The following LRRC75A variants were observed in gnomAD, a reference collection of about 807,000 sequenced individuals.
LRRC75A encodes leucine rich repeat containing 75A.
Under a neutral mutation model 26.0 loss-of-function variants are expected in LRRC75A, and 12 were observed. That is an observed-to-expected ratio of 0.46 (90% CI 0.30 to 0.75). The LOEUF (loss-of-function observed/expected upper bound fraction) is 0.75. Ranked by LOEUF, LRRC75A falls within the 30% of genes least tolerant of loss-of-function variation. The pLI is 0.08. For synonymous variants in LRRC75A, 223 were observed against 219.3 expected (o/e 1.02, Z -0.15); for missense variants, 410 against 486.6 (o/e 0.84, Z 1.48).
intron 2 of LRRC75A, among the ~76,000 whole-genome samples, chr17:16,453,707 T>C (rs1268518593): frequency 6.6e-6 from 1 of 152,146 alleles, no homozygotes; most frequent in African/African-American, 2.4e-5. Context: ...TTCCAAAGCA[T>C]GGCGCCGGGG....
Position 16,462,412 on chromosome 17 carries a change from G to A in LRRC75A, c.247-26C>T. 6.2e-7 allele frequency: 1 copy of A among 1,613,060 alleles called. No individual in the cohort carries two copies. On this transcript the variant is annotated intron_variant, in intron 1 of 3. Transcript: ENST00000470794. This position sits in a 1 kb window ranked among gnomAD's most constrained non-coding sequence, Gnocchi z 4.6. ...CTGCAAGAGCAAAGGATGCCCAGAG[G>A]TCAGGGCTGGCTGCCCACCCAGCTC...
Position 16,443,565 on chromosome 17 carries a change from T to C in LRRC75A, c.*23A>G, listed in dbSNP as rs763260339. ...CCCATTCTACCCAACAAGGACTCCC[T>C]GGTGAGGCCCTTCACTTCCATGTCA... On this transcript the variant is annotated 3_prime_UTR_variant, in exon 4 of 4. Transcript: ENST00000470794. 1.3e-6 allele frequency: 2 copies of C among 1,489,606 alleles called. No homozygotes were observed. The highest frequency in any genetic ancestry group is 4.0e-4 in the Middle Eastern group (2 of 4,968). The allele number at this position is 1,489,606 out of a possible 1,614,324, so 92.3% of individuals were successfully genotyped here.
chr17:16,462,189 C>T lies in LRRC75A; in HGVS notation c.375+69G>A, dbSNP rs2093732555. 6.3e-7 allele frequency: 1 copy of T among 1,585,230 alleles called. No individual in the cohort carries two copies. Among genetic ancestry groups the T allele is most frequent in the Non-Finnish European group, 8.6e-7 (1 of 1,163,184 alleles). ...CTGCCAGTCCTCCTTGGGCATACAGCTGCTCTGCCCAGAAAGGCACCCACC... is the reference window on the plus strand; with the variant it reads ...CTGCCAGTCCTCCTTGGGCATACAGTTGCTCTGCCCAGAAAGGCACCCACC... On this transcript the variant is annotated intron_variant, in intron 2 of 3. Transcript: ENST00000470794. This position sits in a 1 kb window ranked among gnomAD's most constrained non-coding sequence, Gnocchi z 4.6.
At chr17:16,483,001 A>G (rs1383079344) in intron 1 of LRRC75A, among the ~76,000 whole-genome samples, 1 of 152,196 alleles carries the variant, frequency 6.6e-6, no homozygotes, top group Non-Finnish European at 1.5e-5. Flanking sequence ...GGCTCCATCC[A>G]GACGAGCATG....
chr17:16,451,891 C>T (rs2143014761), intron 2 of LRRC75A, among the ~76,000 whole-genome samples: 3 of 150,168 alleles, frequency 2.0e-5, no homozygotes, highest in Admixed American at 2.0e-4. Context: ...ACTACAGGCG[C>T]CCGCCAACAT....
At chr17:16,475,740 TA>T (rs919880356) in intron 1 of LRRC75A, among the ~76,000 whole-genome samples, 16 of 148,842 alleles carry the variant, frequency 1.1e-4, no homozygotes, top group South Asian at 8.5e-4. Flanking sequence ...ACCAGCTAAT[TA>T]AAAAAAAAAA....
intron 1 of LRRC75A, among the ~76,000 whole-genome samples, chr17:16,470,009 G>A (rs1179600555): frequency 6.6e-6 from 1 of 152,164 alleles, no homozygotes; most frequent in Non-Finnish European, 1.5e-5. Flanking sequence ...TCAGATTCCT[G>A]GGAGGAAGGC....
At chr17:16,471,917 G>A (rs1462002250) in intron 1 of LRRC75A, among the ~76,000 whole-genome samples, 2 of 152,148 alleles carry the variant, frequency 1.3e-5, no homozygotes, top group African/African-American at 4.8e-5. Flanking sequence ...GACTGGGGAA[G>A]GGGGAATTCG....
chr17:16,455,064 C>G (rs1237998093), intron 2 of LRRC75A, among the ~76,000 whole-genome samples: 1 of 151,952 alleles, frequency 6.6e-6, no homozygotes, highest in African/African-American at 2.4e-5. Flanking sequence ...TCCCGAGTAG[C>G]TGGGATTACA....
At chr17:16,458,597 C>G (rs1345871497) in intron 2 of LRRC75A, among the ~76,000 whole-genome samples, 1 of 152,038 alleles carries the variant, frequency 6.6e-6, no homozygotes, top group Non-Finnish European at 1.5e-5. Flanking sequence ...TCCCGAGTAG[C>G]TGGGATTATA....
At chr17:16,486,733 C>A (rs1382970951) in intron 1 of LRRC75A, among the ~76,000 whole-genome samples, 1 of 152,222 alleles carries the variant, frequency 6.6e-6, no homozygotes, top group African/African-American at 2.4e-5. Context: ...AAGAACACCA[C>A]CGCCTGGCAG....
intron 1 of LRRC75A, among the ~76,000 whole-genome samples, chr17:16,481,612 C>A (rs1375708500): frequency 1.3e-5 from 2 of 152,124 alleles, no homozygotes; most frequent in Admixed American, 6.5e-5. Context: ...CTGGCTACCC[C>A]CTGCCTCCCC....
chr17:16,492,111 G>T lies in LRRC75A; in HGVS notation c.-121C>A. The T allele has an allele frequency of 1.1e-6, 1 of 900,052 alleles. No individual in the cohort carries two copies. The highest frequency in any genetic ancestry group is 1.3e-6 in the Non-Finnish European group (1 of 745,446). 55.8% of individuals were successfully genotyped at this position (900,052 alleles called of 1,614,324 possible). A position where few individuals can be genotyped will look rare whatever the true frequency, so the allele number is the denominator to read the frequency against. ...GGGCTGCAACTTTGGGGGAACTGTT[G>T]CGCGCGGGCGTCGCGGGGGCGGGCG... is the stretch of plus-strand genomic sequence containing the variant. On this transcript the variant is annotated 5_prime_UTR_variant, in exon 1 of 4. Coordinates refer to ENST00000470794, the MANE Select transcript of LRRC75A (RefSeq NM_001113567.3).
intron 2 of LRRC75A, among the ~76,000 whole-genome samples, chr17:16,452,072 C>T (rs2093636600): frequency 6.6e-6 from 1 of 151,654 alleles, no homozygotes; most frequent in Admixed American, 6.6e-5. Flanking sequence ...CACTGATGGG[C>T]CAGGTGCTGT....
At chr17:16,490,692 A>G (rs1316994554) in intron 1 of LRRC75A, among the ~76,000 whole-genome samples, 2 of 152,198 alleles carry the variant, frequency 1.3e-5, no homozygotes, top group African/African-American at 4.8e-5. Context: ...AGGTGCTCCT[A>G]CAGCCTCTTT....
intron 2 of LRRC75A, among the ~76,000 whole-genome samples, chr17:16,451,622 A>C (rs2093631425): frequency 1.1e-5 from 1 of 91,654 alleles, no homozygotes; most frequent in Admixed American, 1.1e-4. Flanking sequence ...ACTCCATCTC[A>C]AAAAAAAAAA....
chr17:16,451,629 AAAAT>A (rs888423904), intron 2 of LRRC75A, among the ~76,000 whole-genome samples: 14 of 115,814 alleles, frequency 1.2e-4, no homozygotes, highest in African/African-American at 4.3e-4. Context: ...CTCAAAAAAA[AAAAT>A]AATAATAATA....
Position 16,492,100 on chromosome 17 carries a change from G to T in LRRC75A, c.-110C>A. 2.0e-6 allele frequency: 2 copies of T among 981,002 alleles called. No individual in the cohort carries two copies. The highest frequency in any genetic ancestry group is 4.8e-5 in the South Asian group (1 of 20,980). 60.8% of individuals were successfully genotyped at this position (981,002 alleles called of 1,614,324 possible). A position where few individuals can be genotyped will look rare whatever the true frequency, so the allele number is the denominator to read the frequency against. ...GCTCGCCTCCCGGGCTGCAACTTTG[G>T]GGGAACTGTTGCGCGCGGGCGTCGC... On this transcript the variant is annotated 5_prime_UTR_variant, in exon 1 of 4. Coordinates refer to ENST00000470794, the MANE Select transcript of LRRC75A (RefSeq NM_001113567.3).
chr17:16,485,669 T>TGTGTGTGTGTGTG (rs1555893680), intron 1 of LRRC75A, among the ~76,000 whole-genome samples: 28 of 114,312 alleles, frequency 2.4e-4, no homozygotes, highest in African/African-American at 5.0e-4. Flanking sequence ...TGTGTGTGTG[T>TGTGTGTGTGTGTG]TCGTGTGTGT....
Sources: allele counts gnomAD v4.1 joint callset (sites outside exome capture counted in the v4.1 genomes callset), GRCh38; gene constraint gnomAD v4.1.1; non-coding constraint Gnocchi (gnomAD v3.1); transcripts MANE v1.5; gene names NCBI Gene and HGNC (gene_info 2026-07-23, HGNC 2026-07-21).